The following PRSS23 variants were observed in gnomAD, a reference collection of about 807,000 sequenced individuals.
PRSS23 encodes the protein protease, serine 23.
A neutral mutation model predicts 34.7 loss-of-function variants in PRSS23; 25 were observed. That is an observed-to-expected ratio of 0.72 (90% CI 0.53 to 1.01). PRSS23 has a LOEUF of 1.01. Ranked by LOEUF, PRSS23 falls within the 50% of genes least tolerant of loss-of-function variation. PRSS23 has a pLI of 0.00. For missense variants in PRSS23, 445 were observed against 475.6 expected, an observed-to-expected ratio of 0.94 and a Z score of 0.60; for synonymous variants, 176 against 186.6, an observed-to-expected ratio of 0.94 and a Z score of 0.46.
intron 2 of PRSS23, among the ~76,000 whole-genome samples, chr11:86,880,870 T>C (rs1339670772): frequency 6.6e-6 from 1 of 152,240 alleles, no homozygotes; most frequent in Non-Finnish European, 1.5e-5. Context: ...AAAAATACTC[T>C]TGATTTTTAG....
At chr11:86,830,399 C>T (rs1483704698) in intron 2 of PRSS23, among the ~76,000 whole-genome samples, 1 of 152,176 alleles carries the variant, frequency 6.6e-6, no homozygotes, top group Non-Finnish European at 1.5e-5. Flanking sequence ...TCTGTCACCC[C>T]TTTCTTTGAC....
intron 2 of PRSS23, chr11:86,948,499 C>A (rs1179192937): frequency 1.3e-5 from 2 of 152,190 alleles, no homozygotes; most frequent in Admixed American, 1.3e-4. Flanking sequence ...TAAACACTCT[C>A]CATTGTCTGG....
chr11:86,942,274 GA>G (rs1274486082), intron 2 of PRSS23, among the ~76,000 whole-genome samples: 1 of 152,226 alleles, frequency 6.6e-6, no homozygotes, highest in Non-Finnish European at 1.5e-5. Context: ...CCTAGTTGAA[GA>G]AAGATGGAAA....
intron 2 of PRSS23, chr11:86,911,062 A>G (rs942133891): frequency 2.4e-4 from 37 of 152,104 alleles, no homozygotes; most frequent in Non-Finnish European, 1.6e-4. Flanking sequence ...AGTGACCAGT[A>G]TGGATCATTA....
intron 2 of PRSS23, among the ~76,000 whole-genome samples, chr11:86,834,044 T>G (rs563244556): frequency 6.6e-6 from 1 of 152,300 alleles, no homozygotes; most frequent in East Asian, 1.9e-4. Context: ...ACATTTGTAG[T>G]TTTACAGCTT....
chr11:86,841,737 A>G (rs1484524561), intron 2 of PRSS23, among the ~76,000 whole-genome samples: 2 of 152,206 alleles, frequency 1.3e-5, no homozygotes, highest in South Asian at 2.1e-4. Flanking sequence ...ACCAGGAGGA[A>G]GTTGAATCTC....
intron 2 of PRSS23, among the ~76,000 whole-genome samples, chr11:86,941,343 T>C (rs1375206515): frequency 6.6e-6 from 1 of 152,186 alleles, no homozygotes; most frequent in Non-Finnish European, 1.5e-5. Flanking sequence ...TGATCCTTTG[T>C]GGGAAGGAGG....
intron 1 of PRSS23, among the ~76,000 whole-genome samples, chr11:86,818,620 T>G (rs769316269): frequency 6.6e-6 from 1 of 152,244 alleles, no homozygotes; most frequent in Non-Finnish European, 1.5e-5. Context: ...CCCCGAGGCA[T>G]CTTCTTTGCC....
intron 2 of PRSS23, among the ~76,000 whole-genome samples, chr11:86,846,081 G>T (rs1284431858): frequency 1.3e-5 from 2 of 151,974 alleles, no homozygotes; most frequent in African/African-American, 4.8e-5. Context: ...TCTCACTCTG[G>T]TTACCTGTTC....
intron 2 of PRSS23, among the ~76,000 whole-genome samples, chr11:86,867,201 A>G (rs139359020): frequency 2.1e-4 from 32 of 152,266 alleles, no homozygotes; most frequent in African/African-American, 7.2e-4. Flanking sequence ...GCTCTCCCTC[A>G]CAACTTCTCT....
intron 2 of PRSS23, chr11:86,949,279 G>A (rs1167439729): frequency 2.0e-5 from 3 of 151,920 alleles, no homozygotes; most frequent in Non-Finnish European, 4.4e-5. Flanking sequence ...AGAAGAAAGG[G>A]AAATGTCAAA....
At chr11:86,833,196 G>A (rs189799965) in intron 2 of PRSS23, 55 of 1,221,300 alleles carry the variant, frequency 4.5e-5, no homozygotes, top group African/African-American at 3.0e-4. Flanking sequence ...TGACTCTGCT[G>A]TGAGATTGGA....
chr11:86,950,468 G>A (rs1354707515), intron 2 of PRSS23: 1 of 152,884 alleles, frequency 6.5e-6, no homozygotes, highest in Non-Finnish European at 1.5e-5. Flanking sequence ...GAGGAAGACA[G>A]AGAAGAAAAA....
In PRSS23 at chr11:86,808,286, G is replaced by A. The variant is rs377192724; in HGVS notation, c.643G>A (p.Glu215Lys). 2.5e-4 allele frequency: 403 copies of A among 1,614,076 alleles called. No homozygotes were observed. The highest frequency in any genetic ancestry group is 5.0e-4 in the Middle Eastern group (3 of 6,060). Residue 215 changes from glutamate (E) to lysine (K), a missense_variant, in exon 2 of 2, where the codon GAG becomes AAG. Transcript: ENST00000280258. ...CAACGACTCCACTTCAGCCATGCCC[G>A]AGCAGATGAAATTTCAGTGGATCCG... ...GANDSTSAMP[E>K]QMKFQWIRVK...
intron 2 of PRSS23, among the ~76,000 whole-genome samples, chr11:86,922,771 G>A (rs180696095): frequency 6.6e-6 from 1 of 152,296 alleles, no homozygotes; most frequent in East Asian, 1.9e-4. Context: ...GTGCTTTCCA[G>A]AGCTGTCTGC....
upstream of PRSS23, among the ~76,000 whole-genome samples, chr11:86,799,987 A>G (rs1340851437): frequency 6.6e-6 from 1 of 152,194 alleles, no homozygotes; most frequent in African/African-American, 2.4e-5. Flanking sequence ...CAGCACCTTA[A>G]GGCGCTAAAA....
At position 86,823,932 on chromosome 11, in the gene PRSS23, G is replaced by A. The variant is rs537751597; in HGVS notation, c.206+339G>A. On this transcript the variant is annotated intron_variant, in intron 2 of 2. Coordinates refer to the PRSS23 transcript ENST00000533902. ...GAGGCAGGAGAATGGCGTGAACCCGGGAGGTGGAGCTTGCAGTGAGCCGAG... is the reference window on the plus strand; with the variant it reads ...GAGGCAGGAGAATGGCGTGAACCCGAGAGGTGGAGCTTGCAGTGAGCCGAG... Among the ~76,000 whole-genome samples, 304 of 138,608 alleles carry A rather than the reference G, an allele frequency of 2.2e-3. 5 individuals carry two copies. The highest frequency in any genetic ancestry group is 0.014 in the Middle Eastern group (4 of 280). 90.9% of individuals were successfully genotyped at this position (138,608 alleles called of 152,430 possible).
At chr11:86,819,948 T>C (rs1314401684) in intron 1 of PRSS23, among the ~76,000 whole-genome samples, 1 of 152,256 alleles carries the variant, frequency 6.6e-6, no homozygotes, top group Non-Finnish European at 1.5e-5. Flanking sequence ...AAAAATGGCA[T>C]TCAATAGATT....
rs1449356244 is a variant in PRSS23, at chr11:86,818,239, G to T, written c.-11-5138G>T. Among the ~76,000 whole-genome samples, 10 of 152,276 alleles carry T rather than the reference G, an allele frequency of 6.6e-5. No individual in the cohort carries two copies. The South Asian group carries it at 2.1e-3, about 32-fold the overall frequency. ...TACAAGTATAAAACAAATCATGTGT[G>T]ATTTGATTCATTTATACATGCTAAC... On this transcript the variant is annotated intron_variant, in intron 1 of 2. Transcript: ENST00000533902.
Sources: allele counts gnomAD v4.1 joint callset (sites outside exome capture counted in the v4.1 genomes callset), GRCh38; gene constraint gnomAD v4.1.1; transcripts MANE v1.5; gene names NCBI Gene and HGNC (gene_info 2026-07-23, HGNC 2026-07-21).